The following KIF3A variants were observed in gnomAD, a reference collection of about 807,000 sequenced individuals.
KIF3A encodes kinesin family member 3A, also known as kinesin-like protein KIF3A.
A neutral mutation model predicts 92.6 loss-of-function variants in KIF3A; 27 were observed. That is an observed-to-expected ratio of 0.29 (90% CI 0.21 to 0.40). KIF3A has a LOEUF of 0.40. Among genes scored for constraint, KIF3A ranks in the 10% least tolerant of loss-of-function variants. KIF3A has a pLI of 1.00. For missense variants in KIF3A, 581 were observed against 872.6 expected, an observed-to-expected ratio of 0.67 and a Z score of 4.21; for synonymous variants, 250 against 275.4, an observed-to-expected ratio of 0.91 and a Z score of 0.92.
rs749854047 is a variant in KIF3A, at chr5:132,720,625, C to A, written c.600G>T (p.Thr200=). 1.2e-6 allele frequency: 2 copies of A among 1,605,852 alleles called. No homozygotes were observed. The highest frequency in any genetic ancestry group is 1.7e-6 in the Non-Finnish European group (2 of 1,174,526). ...TATACTTACGATTTTTGTGGCCTAG[C>A]GTCATAATTCTATCCATATCATCAG... is the stretch of plus-strand genomic sequence containing the variant. ...NNADDMDRIM[T]LGHKNRSVGA... Residue 200 remains threonine (T), a synonymous_variant, in exon 5 of 19, where the codon ACG becomes ACT. Coordinates refer to ENST00000403231, the MANE Select transcript of KIF3A (RefSeq NM_001300791.2).
At chr5:132,702,002 A>G in intron 15 of KIF3A, 85 bp downstream of exon 15, 1 of 1,353,900 alleles carries the variant, frequency 7.4e-7, no homozygotes, top group South Asian at 1.4e-5. Context: ...CTGAAGTATT[A>G]AGTATTTATC....
rs1754261295 is a variant in KIF3A, at chr5:132,732,387, T to C, written c.280+1818A>G. Among the ~76,000 whole-genome samples the C allele has an allele frequency of 1.3e-5, 2 of 152,218 alleles. 1 individual carries two copies. The highest frequency in any genetic ancestry group is 4.1e-4 in the South Asian group (2 of 4,834). Reference sequence around the variant, plus strand: ...AGAATGTTCAAAGTAACATTATCTGTAATAGCTAAAAAGTAGAAACAACAA... The same window carrying C: ...AGAATGTTCAAAGTAACATTATCTGCAATAGCTAAAAAGTAGAAACAACAA... On this transcript the variant is annotated intron_variant, in intron 2 of 18. Transcript: ENST00000403231.
At chr5:132,710,414 A>C (rs1175160281) in intron 9 of KIF3A, among the ~76,000 whole-genome samples, 1 of 152,182 alleles carries the variant, frequency 6.6e-6, no homozygotes, top group Non-Finnish European at 1.5e-5. Context: ...CAGGAGATCA[A>C]GACCAGCCTG....
At position 132,734,429 on chromosome 5, in the gene KIF3A, A is replaced by G; in HGVS notation, c.56T>C (p.Val19Ala). The change falls in exon 2 of 19, where the codon GTT (valine) becomes GCT (alanine). Residue 19 changes from valine to alanine, a missense_variant. Transcript: ENST00000403231. Reference protein sequence around the residue: ...PESCDNVKVVVRCRPLNEREK... With the variant: ...PESCDNVKVVARCRPLNEREK... ...TCTCTCATTGAGGGGCCGGCACCTA[A>G]CAACAACCTTCACATTATCGCAGCT... 1 of 1,614,052 alleles carries G rather than the reference A, an allele frequency of 6.2e-7. No individual in the cohort carries two copies. Among genetic ancestry groups the G allele is most frequent in the Non-Finnish European group, 8.5e-7 (1 of 1,179,974 alleles).
intron 4 of KIF3A, chr5:132,721,320 G>A (rs1045615695): frequency 6.6e-6 from 1 of 152,178 alleles, no homozygotes; most frequent in Non-Finnish European, 1.5e-5. Context: ...ATTACCTTAT[G>A]AGAAATTTTA....
At chr5:132,697,066 A>G (rs1490931501) in intron 18 of KIF3A, among the ~76,000 whole-genome samples, 1 of 152,252 alleles carries the variant, frequency 6.6e-6, no homozygotes, top group Non-Finnish European at 1.5e-5. Flanking sequence ...GAAACAAATC[A>G]TCTCAGGCAA....
intron 4 of KIF3A, among the ~76,000 whole-genome samples, chr5:132,722,331 C>CA (rs948205798): frequency 3.3e-5 from 5 of 151,454 alleles, no homozygotes; most frequent in East Asian, 1.9e-4. Context: ...GAATTTTTAT[C>CA]AAAAAAAACA....
At chr5:132,706,066 G>A (rs1057012313) in intron 11 of KIF3A, among the ~76,000 whole-genome samples, 1 of 151,982 alleles carries the variant, frequency 6.6e-6, no homozygotes, top group African/African-American at 2.4e-5. Flanking sequence ...AACCAATATT[G>A]TGAACGTTAA....
chr5:132,702,465 C>T (rs1249695932), intron 14 of KIF3A, 93 bp downstream of exon 14: 4 of 747,964 alleles, frequency 5.3e-6, no homozygotes, highest in Non-Finnish European at 8.6e-6. Flanking sequence ...AAATTATAAG[C>T]TCACATTATG....
intron 10 of KIF3A, among the ~76,000 whole-genome samples, chr5:132,708,445 T>G (rs1186619471): frequency 6.6e-6 from 1 of 152,162 alleles, no homozygotes. Flanking sequence ...AAGCTACCAC[T>G]AAGAATAGGA....
intron 4 of KIF3A, among the ~76,000 whole-genome samples, chr5:132,722,897 G>A (rs997139573): frequency 4.6e-5 from 7 of 152,080 alleles, no homozygotes; most frequent in African/African-American, 1.7e-4. Flanking sequence ...ATTTTATTAT[G>A]TCATTAAGTG....
At chr5:132,735,833 G>C (rs1403162404) in intron 1 of KIF3A, among the ~76,000 whole-genome samples, 4 of 152,214 alleles carry the variant, frequency 2.6e-5, no homozygotes, top group Non-Finnish European at 1.5e-5. Flanking sequence ...TGTAAGGTCT[G>C]GCTTCCACCC....
At chr5:132,690,647 G>A (rs1752639628), downstream of KIF3A, among the ~76,000 whole-genome samples, 1 of 95,246 alleles carries the variant, frequency 1.0e-5, no homozygotes, top group Admixed American at 9.7e-5. Context: ...AAAATTTCAG[G>A]CCGGGCGCGG....
chr5:132,717,495 CAT>C (rs1428201763), intron 5 of KIF3A, among the ~76,000 whole-genome samples: 4 of 151,820 alleles, frequency 2.6e-5, no homozygotes, highest in African/African-American at 7.3e-5. Context: ...TACTTGCACA[CAT>C]ATGTTAGACA....
At position 132,726,198 on chromosome 5, in the gene KIF3A, A is replaced by G. The variant is rs780116451; in HGVS notation, c.440T>C (p.Val147Ala). The stretch of plus-strand genomic sequence containing the variant: ...TTCATTATATATTTCCAAATAAGAC[A>G]CTCGAACCAAAAATCTATAAAACAT... ...AEGDTRFLVR[V>A]SYLEIYNEEV... is the part of the protein sequence containing the mutation. The change falls in exon 4 of 19, where the codon GTG becomes GCG. Residue 147 changes from valine (V) to alanine (A), a missense_variant. Transcript: ENST00000403231. 1.2e-6 allele frequency: 2 copies of G among 1,610,260 alleles called. No individual in the cohort carries two copies. The highest frequency in any genetic ancestry group is 1.3e-5 in the African/African-American group (1 of 74,886).
rs867755147 is a variant in KIF3A, at chr5:132,710,964, CTTT to C, written c.1220_1222del (p.Lys407del). On this transcript the variant is annotated inframe_deletion, in exon 9 of 19. Coordinates refer to ENST00000403231, the MANE Select transcript of KIF3A (RefSeq NM_001300791.2). The stretch of plus-strand genomic sequence containing the variant: ...GATTACTAAACAGAACTTACCCCTT[CTTT>C]TTTTCCTTTTCTCTCCATCTTCTCC... The C allele has an allele frequency of 1.9e-6, 3 of 1,613,516 alleles. No individual in the cohort carries two copies. In the African/African-American group the frequency reaches 4.0e-5, roughly 22 times the overall value.
Position 132,726,649 on chromosome 5 carries a change from T to C in KIF3A, c.281-151A>G. ...AAGTTTCACCTTTATTATCAACAAT[T>C]ACAATGCGTACTCTGTACCACAAGC... On this transcript the variant is annotated intron_variant, in intron 2 of 18. Coordinates refer to ENST00000403231, the MANE Select transcript of KIF3A (RefSeq NM_001300791.2). The C allele has an allele frequency of 1.4e-5, 9 of 658,084 alleles. No individual in the cohort carries two copies. In the South Asian group the frequency reaches 1.5e-4, roughly 11 times the overall value. 40.8% of individuals were successfully genotyped at this position (658,084 alleles called of 1,614,324 possible).
chr5:132,698,183 C>G (rs1036078655), intron 18 of KIF3A, among the ~76,000 whole-genome samples: 1 of 152,170 alleles, frequency 6.6e-6, no homozygotes, highest in Non-Finnish European at 1.5e-5. Context: ...AACCGTACAA[C>G]TTCATCCCAC....
intron 5 of KIF3A, among the ~76,000 whole-genome samples, chr5:132,717,689 T>G (rs539281397): frequency 2.0e-5 from 3 of 152,046 alleles, no homozygotes; most frequent in Non-Finnish European, 4.4e-5. Context: ...TGTGTAAATA[T>G]ATGAATATAT....
Sources: allele counts gnomAD v4.1 joint callset (sites outside exome capture counted in the v4.1 genomes callset), GRCh38; gene constraint gnomAD v4.1.1; transcripts MANE v1.5; gene names NCBI Gene and HGNC (gene_info 2026-07-23, HGNC 2026-07-21).